CHN2: variants seen among roughly 807,000 people sequenced by gnomAD.
CHN2 encodes the protein chimerin 2, also known as beta-chimaerin.
A neutral mutation model predicts 56.3 loss-of-function variants in CHN2; 35 were observed. That is an observed-to-expected ratio of 0.62 (90% CI 0.47 to 0.82). CHN2 has a LOEUF of 0.82. CHN2 is among the 40% of genes least tolerant of loss of function. The pLI is 0.00. For missense variants in CHN2, 491 were observed against 580.5 expected (o/e 0.85, Z 1.58); for synonymous variants, 210 against 212.8 (o/e 0.99, Z 0.12).
chr7:29,416,018 C>T (rs917004388), intron 6 of CHN2, among the ~76,000 whole-genome samples: 2 of 152,108 alleles, frequency 1.3e-5, no homozygotes, highest in Non-Finnish European at 2.9e-5. Flanking sequence ...AAGCAGGAAA[C>T]CCATTATTCC....
intron 1 of CHN2, among the ~76,000 whole-genome samples, chr7:29,240,297 C>T (rs981415241): frequency 6.6e-6 from 1 of 152,194 alleles, no homozygotes; most frequent in Non-Finnish European, 1.5e-5. Context: ...CATTTGGTCC[C>T]CTTTCCCCTT....
At chr7:29,212,518 A>C in intron 1 of CHN2, 7 of 1,554,436 alleles carry the variant, frequency 4.5e-6, no homozygotes, top group Non-Finnish European at 6.2e-6. Flanking sequence ...CCAGTCCCAA[A>C]GGCAAACAAC....
At chr7:29,409,540 C>T (rs776680260) in intron 6 of CHN2, among the ~76,000 whole-genome samples, 12 of 152,148 alleles carry the variant, frequency 7.9e-5, no homozygotes, top group Non-Finnish European at 1.6e-4. Flanking sequence ...CTCCTGTATT[C>T]AACCTGGGAT....
intron 6 of CHN2, among the ~76,000 whole-genome samples, chr7:29,445,641 G>T (rs849914): frequency 0.4 from 60,155 of 151,678 alleles, 13,874 homozygotes; most frequent in African/African-American, 0.65. Flanking sequence ...TGTTTTTGTT[G>T]CCATTTGTAA....
intron 2 of CHN2, among the ~76,000 whole-genome samples, chr7:29,183,074 T>C (rs1798256432): frequency 7.1e-6 from 1 of 141,660 alleles, no homozygotes; most frequent in African/African-American, 2.7e-5. Flanking sequence ...CTGGAAAACA[T>C]GGCAGACTTT....
chr7:29,459,178 A>G (rs565820117), intron 6 of CHN2, among the ~76,000 whole-genome samples: 6 of 152,330 alleles, frequency 3.9e-5, no homozygotes, highest in Non-Finnish European at 7.3e-5. Context: ...TCGGAAGGCT[A>G]TGAAAGGCTC....
At chr7:29,425,729 T>C (rs1056235266) in intron 6 of CHN2, among the ~76,000 whole-genome samples, 1 of 152,158 alleles carries the variant, frequency 6.6e-6, no homozygotes. Context: ...ATCAATACTG[T>C]ATATAAAAAT....
intron 2 of CHN2, among the ~76,000 whole-genome samples, chr7:29,166,071 C>T (rs371377254): frequency 6.6e-6 from 1 of 152,052 alleles, no homozygotes; most frequent in Admixed American, 6.6e-5. Context: ...TCACTCTATG[C>T]CTAGGCTGGA....
At chr7:29,403,723 A>AT (rs1802415019) in intron 6 of CHN2, among the ~76,000 whole-genome samples, 1 of 152,056 alleles carries the variant, frequency 6.6e-6, no homozygotes, top group Non-Finnish European at 1.5e-5. Flanking sequence ...CTCCCCACTG[A>AT]TTCTTTATTT....
intron 6 of CHN2, among the ~76,000 whole-genome samples, chr7:29,413,698 G>T (rs1415925432): frequency 6.6e-6 from 1 of 152,186 alleles, no homozygotes; most frequent in Non-Finnish European, 1.5e-5. Flanking sequence ...TGACTTGCGG[G>T]TCATTTCACG....
At chr7:29,472,700 G>T (rs1347869913) in intron 6 of CHN2, among the ~76,000 whole-genome samples, 1 of 152,014 alleles carries the variant, frequency 6.6e-6, no homozygotes, top group Non-Finnish European at 1.5e-5. Flanking sequence ...TCCTGCAACA[G>T]AACTGTCCTG....
At chr7:29,270,759 A>G (rs553094309) in intron 1 of CHN2, among the ~76,000 whole-genome samples, 12 of 152,122 alleles carry the variant, frequency 7.9e-5, no homozygotes, top group Non-Finnish European at 1.5e-4. Context: ...ATAGAATGCA[A>G]TTGTGGTTAC....
intron 1 of CHN2, among the ~76,000 whole-genome samples, chr7:29,303,405 A>G (rs1285780562): frequency 6.6e-6 from 1 of 152,280 alleles, no homozygotes; most frequent in East Asian, 1.9e-4. Context: ...GCGCAGGCAC[A>G]CCAAGCAGAC....
At chr7:29,330,272 A>G (rs572549665) in intron 1 of CHN2, among the ~76,000 whole-genome samples, 35 of 152,322 alleles carry the variant, frequency 2.3e-4, no homozygotes, top group African/African-American at 8.4e-4. Flanking sequence ...GGTTCGTAGT[A>G]AAGTGCTTTC....
intron 1 of CHN2, among the ~76,000 whole-genome samples, chr7:29,195,623 A>AGT (rs1321934892): frequency 6.2e-5 from 8 of 128,178 alleles, no homozygotes; most frequent in African/African-American, 2.7e-4. Context: ...AGAGAGAGAG[A>AGT]GAGAGAGTGT....
chr7:29,214,717 G>C (rs1174131932), intron 1 of CHN2, among the ~76,000 whole-genome samples: 1 of 152,162 alleles, frequency 6.6e-6, no homozygotes, highest in African/African-American at 2.4e-5. Flanking sequence ...TTGAATATAT[G>C]TTATGTAAGA....
chr7:29,510,682 A>G (rs1791208861), intron 12 of CHN2, among the ~76,000 whole-genome samples: 1 of 152,156 alleles, frequency 6.6e-6, no homozygotes, highest in Non-Finnish European at 1.5e-5. Context: ...AATATGAGAG[A>G]CAGTCTTTTT....
At chr7:29,151,663 C>T (rs1364971342) in intron 2 of CHN2, among the ~76,000 whole-genome samples, 1 of 152,170 alleles carries the variant, frequency 6.6e-6, no homozygotes, top group East Asian at 1.9e-4. Context: ...CCAGTGTGCT[C>T]AGGATAGTAT....
chr7:29,335,313 A>G (rs932979025), intron 1 of CHN2, among the ~76,000 whole-genome samples: 1 of 152,234 alleles, frequency 6.6e-6, no homozygotes, highest in African/African-American at 2.4e-5. Flanking sequence ...AAACCTAAAA[A>G]CAGCCCTTGC....
Sources: gnomAD v4.1 joint callset for allele counts (sites outside exome capture counted in the v4.1 genomes callset) on GRCh38, gnomAD v4.1.1 for gene constraint, MANE v1.5 for transcripts, NCBI Gene and HGNC (gene_info 2026-07-23, HGNC 2026-07-21) for gene names.